FRAS1: variants seen among roughly 807,000 people sequenced by gnomAD.
FRAS1 encodes the protein extracellular matrix organizing protein FRAS1.
FRAS1 carries 290 observed loss-of-function variants against 435.2 expected under a neutral mutation model. The observed-to-expected ratio is 0.67, with a 90% CI of 0.61 to 0.73. FRAS1 has a LOEUF of 0.73. Among genes scored for constraint, FRAS1 ranks in the 30% least tolerant of loss-of-function variants. FRAS1 has a pLI of 0.00. For missense variants in FRAS1, 4,860 were observed against 5,001.5 expected (o/e 0.97, Z 0.85); for synonymous variants, 1,800 against 1,851.0 (o/e 0.97, Z 0.71).
At chr4:78,412,745 T>C (rs575810136) in intron 31 of FRAS1, among the ~76,000 whole-genome samples, 1 of 152,328 alleles carries the variant, frequency 6.6e-6, no homozygotes, top group East Asian at 1.9e-4. Context: ...TATTTATGCT[T>C]TCCTGCATTT....
Position 78,481,944 on chromosome 4 carries a change from G to C in FRAS1, c.8584G>C (p.Gly2862Arg), listed in dbSNP as rs759224701. 1 of 1,613,802 alleles carries C rather than the reference G, an allele frequency of 6.2e-7. No homozygotes were observed. Among genetic ancestry groups the C allele is most frequent in the Non-Finnish European group, 8.5e-7 (1 of 1,179,816 alleles). ...YVPSSRKVEF[G>R]PGVIEQYCTL... ...TCCCAGCTCTCGGAAGGTGGAATTT[G>C]GGCCTGGTGTCATTGAACAGGTGCG... Residue 2862 changes from glycine to arginine, a missense_variant, in exon 57 of 74, where the codon GGG becomes CGG. Transcript: ENST00000512123.
chr4:78,429,344 AT>A, intron 36 of FRAS1, 118 bp downstream of exon 36: 1 of 1,276,684 alleles, frequency 7.8e-7, no homozygotes, highest in Non-Finnish European at 1.1e-6. Flanking sequence ...AGTTGCCTGC[AT>A]TCTCACCTGT....
chr4:78,368,456 C>G (rs563666810), intron 22 of FRAS1, among the ~76,000 whole-genome samples: 4 of 151,392 alleles, frequency 2.6e-5, no homozygotes, highest in African/African-American at 9.8e-5. Context: ...GAGAAGATTT[C>G]AGAATGAGAC....
intron 2 of FRAS1, among the ~76,000 whole-genome samples, chr4:78,113,887 A>T (rs986760576): frequency 2.0e-5 from 3 of 152,124 alleles, no homozygotes; most frequent in Admixed American, 2.0e-4. Context: ...GGTGTATTAG[A>T]CATGAAGTCC....
intron 2 of FRAS1, among the ~76,000 whole-genome samples, chr4:78,132,922 C>T (rs1405465589): frequency 6.6e-6 from 1 of 152,182 alleles, no homozygotes; most frequent in Non-Finnish European, 1.5e-5. Flanking sequence ...GCCCACGCCA[C>T]ACTTGGTTCT....
At chr4:78,274,743 T>C (rs368997793) in intron 9 of FRAS1, among the ~76,000 whole-genome samples, 21 of 152,140 alleles carry the variant, frequency 1.4e-4, no homozygotes, top group African/African-American at 4.3e-4. Context: ...ACTATGTGGT[T>C]AATTTTGGAA....
chr4:78,436,367 T>C (rs975651559), intron 38 of FRAS1, among the ~76,000 whole-genome samples: 1 of 152,214 alleles, frequency 6.6e-6, no homozygotes, highest in East Asian at 1.9e-4. Context: ...TTTACTTTGC[T>C]GGTGGGAGCG....
chr4:78,521,514 C>T lies in FRAS1; in HGVS notation c.10541-9C>T. On this transcript the variant is annotated splice_polypyrimidine_tract_variant and intron_variant, in intron 67 of 73. Transcript: ENST00000512123. ...TGCCCTAGCATTTTCTCTCTGCTTT[C>T]CTGCCCAGGAATCCAGACAGACAGC... 3 of 1,604,172 alleles carry T rather than the reference C, an allele frequency of 1.9e-6. No individual in the cohort carries two copies. The highest frequency in any genetic ancestry group is 1.3e-5 in the African/African-American group (1 of 74,670).
At chr4:78,187,440 T>G (rs531811049) in intron 2 of FRAS1, among the ~76,000 whole-genome samples, 9 of 152,264 alleles carry the variant, frequency 5.9e-5, no homozygotes, top group African/African-American at 2.2e-4. Flanking sequence ...TTTGTCCCCA[T>G]AGTTGGCAGC....
chr4:78,192,871 T>A (rs756811269), intron 2 of FRAS1, among the ~76,000 whole-genome samples: 6 of 152,244 alleles, frequency 3.9e-5, no homozygotes, highest in Non-Finnish European at 7.3e-5. Flanking sequence ...TGTTAGGGTG[T>A]CAATTTTAGA....
intron 2 of FRAS1, among the ~76,000 whole-genome samples, chr4:78,158,907 G>A (rs17002989): frequency 0.036 from 5,460 of 152,242 alleles, 326 homozygotes; most frequent in African/African-American, 0.13. Flanking sequence ...TGGGTGTTCA[G>A]TAGTGATGAA....
At chr4:78,290,739 CA>C in intron 14 of FRAS1, among the ~76,000 whole-genome samples, 1 of 135,466 alleles carries the variant, frequency 7.4e-6, no homozygotes, top group Non-Finnish European at 1.6e-5. Context: ...GGTGAGCCAC[CA>C]CACCTGGCCT....
chr4:78,539,434 C>G lies in FRAS1; in HGVS notation c.11439C>G (p.Leu3813=). The G allele has an allele frequency of 3.1e-6, 5 of 1,602,556 alleles. No homozygotes were observed. Among genetic ancestry groups the G allele is most frequent in the Non-Finnish European group, 3.4e-6 (4 of 1,175,524 alleles). ...GATTTACTCTAAAAGTAGATGCACT[C>G]TATAAGGTGAGTTTGGTGAGAAGAA... ...VDGFTLKVDA[L]YKVEAGHQWY... is the part of the protein sequence containing the mutation. Residue 3813 remains leucine, a synonymous_variant, in exon 73 of 74, where the codon CTC becomes CTG. Transcript: ENST00000512123.
chr4:78,171,979 T>C (rs2110038217), intron 2 of FRAS1, among the ~76,000 whole-genome samples: 1 of 152,316 alleles, frequency 6.6e-6, no homozygotes, highest in African/African-American at 2.4e-5. Context: ...ATGTCATTTC[T>C]CAAGTCAAGA....
chr4:78,314,815 T>C (rs1285610587), intron 15 of FRAS1, among the ~76,000 whole-genome samples: 1 of 152,198 alleles, frequency 6.6e-6, no homozygotes, highest in Non-Finnish European at 1.5e-5. Context: ...TGCTCAACGG[T>C]TGCTCCTCTA....
intron 14 of FRAS1, among the ~76,000 whole-genome samples, chr4:78,306,069 A>C (rs907454905): frequency 6.7e-6 from 1 of 149,692 alleles, no homozygotes; most frequent in Non-Finnish European, 1.5e-5. Context: ...TGGTGACAAA[A>C]TCTCTCAGCA....
chr4:78,510,938 G>T (rs897568706), intron 63 of FRAS1, among the ~76,000 whole-genome samples: 2 of 152,196 alleles, frequency 1.3e-5, no homozygotes, highest in Non-Finnish European at 2.9e-5. Flanking sequence ...AGTCTTGCTA[G>T]AAGCCTGAAT....
chr4:78,288,236 G>A (rs1325545846), intron 14 of FRAS1, among the ~76,000 whole-genome samples: 1 of 152,178 alleles, frequency 6.6e-6, no homozygotes, highest in Non-Finnish European at 1.5e-5. Flanking sequence ...GTAAACTGCT[G>A]AAATTTTAAT....
At chr4:78,217,418 G>A (rs942562959) in intron 2 of FRAS1, among the ~76,000 whole-genome samples, 2 of 152,088 alleles carry the variant, frequency 1.3e-5, no homozygotes, top group African/African-American at 4.8e-5. Flanking sequence ...AAAGTTGTTG[G>A]GGGGCATGTC....
Sources: allele counts gnomAD v4.1 joint callset (sites outside exome capture counted in the v4.1 genomes callset), GRCh38; gene constraint gnomAD v4.1.1; transcripts MANE v1.5; gene names NCBI Gene and HGNC (gene_info 2026-07-23, HGNC 2026-07-21).